The following ROBO2 variants were observed in gnomAD, a reference collection of about 807,000 sequenced individuals.
ROBO2 encodes the protein roundabout homolog 2.
ROBO2 carries 53 observed loss-of-function variants against 160.8 expected under a neutral mutation model. The observed-to-expected ratio is 0.33, with a 90% CI of 0.26 to 0.41. ROBO2 has a LOEUF of 0.41. ROBO2 is among the 10% of genes least tolerant of loss of function. ROBO2 has a pLI of 1.00. For missense variants in ROBO2, 1,577 were observed against 1,722.4 expected, an observed-to-expected ratio of 0.92 and a Z score of 1.49; for synonymous variants, 664 against 611.7, an observed-to-expected ratio of 1.09 and a Z score of -1.26.
rs1173515061 is a variant in ROBO2, at chr3:76,275,547, A to G, written c.109+337945A>G. On this transcript the variant is annotated intron_variant, in intron 2 of 26. Transcript: ENST00000487694. ...GTGACTATTTCTAATACACAGAATG[A>G]GAAATTTGGACAGGAATCTTAGCAG... 3.3e-5 allele frequency among the ~76,000 whole-genome samples: 5 copies of G among 152,286 alleles called. No homozygotes were observed. In the East Asian group the frequency reaches 7.7e-4, roughly 24 times the overall value.
chr3:76,938,352 C>T (rs561138420), intron 2 of ROBO2, among the ~76,000 whole-genome samples: 102 of 143,992 alleles, frequency 7.1e-4, no homozygotes, highest in Admixed American at 1.3e-3. Flanking sequence ...GACTCCGTCC[C>T]CCACCTACCC....
At chr3:77,237,231 T>C (rs1580265210) in intron 2 of ROBO2, among the ~76,000 whole-genome samples, 1 of 149,706 alleles carries the variant, frequency 6.7e-6, no homozygotes, top group Admixed American at 6.7e-5. Flanking sequence ...TGAGAGTGTC[T>C]TGCTCTGTCT....
chr3:75,922,062 A>G (rs557930330), intron 1 of ROBO2, among the ~76,000 whole-genome samples: 9 of 152,154 alleles, frequency 5.9e-5, no homozygotes, highest in Non-Finnish European at 1.2e-4. Flanking sequence ...TTGAATTCGC[A>G]TAATTTCATA....
chr3:77,122,075 A>G (rs1289986723), intron 2 of ROBO2, among the ~76,000 whole-genome samples: 1 of 152,148 alleles, frequency 6.6e-6, no homozygotes, highest in Non-Finnish European at 1.5e-5. Context: ...TAGAGTGTTT[A>G]ATGTAAGGAA....
At chr3:76,786,606 C>T (rs982215574) in intron 2 of ROBO2, among the ~76,000 whole-genome samples, 2 of 151,396 alleles carry the variant, frequency 1.3e-5, no homozygotes, top group Non-Finnish European at 3.0e-5. Context: ...CCTCCCACCA[C>T]GCTCCACCTC....
chr3:76,304,536 T>A (rs920538085), intron 2 of ROBO2, among the ~76,000 whole-genome samples: 1 of 152,196 alleles, frequency 6.6e-6, no homozygotes, highest in Admixed American at 6.5e-5. Context: ...AGCTAAAATT[T>A]TATTCTGATG....
intron 2 of ROBO2, among the ~76,000 whole-genome samples, chr3:75,943,589 C>T (rs79839158): frequency 2.6e-5 from 4 of 151,818 alleles, no homozygotes; most frequent in African/African-American, 9.7e-5. Context: ...TATCTCTCTG[C>T]CTATATGTAA....
In ROBO2 at chr3:76,369,402, A is replaced by G. The variant is rs554431211; in HGVS notation, c.109+431800A>G. Among the ~76,000 whole-genome samples, 7 of 151,956 alleles carry G rather than the reference A, an allele frequency of 4.6e-5. No homozygotes were observed. The South Asian group carries it at 1.5e-3, about 31-fold the overall frequency. ...CAGAGTTCTGCCACTAGGGTCTGCT[A>G]TTTTCATTCTGCAATATCTCCTTGG... On this transcript the variant is annotated intron_variant, in intron 2 of 26. Transcript: ENST00000487694.
At chr3:76,272,816 G>GTATTTGTATATAAAATATATA (rs1559705611) in intron 2 of ROBO2, among the ~76,000 whole-genome samples, 4 of 3,238 alleles carry the variant, frequency 1.2e-3, no homozygotes, top group African/African-American at 2.3e-3. Context: ...TATATAATAT[G>GTATTTGTATATAAAATATATA]TATTTATATA....
At chr3:77,530,758 A>G (rs2091652163) in intron 6 of ROBO2, among the ~76,000 whole-genome samples, 1 of 152,048 alleles carries the variant, frequency 6.6e-6, no homozygotes, top group African/African-American at 2.4e-5. Context: ...ACGTTTTACT[A>G]TTCCAAAGGC....
intron 2 of ROBO2, among the ~76,000 whole-genome samples, chr3:76,843,425 A>G (rs2148485384): frequency 6.6e-6 from 1 of 152,118 alleles, no homozygotes; most frequent in East Asian, 1.9e-4. Context: ...TTAAAGAATT[A>G]CTATCTGTTG....
chr3:76,580,131 T>C (rs918841345), intron 2 of ROBO2, among the ~76,000 whole-genome samples: 2 of 152,164 alleles, frequency 1.3e-5, no homozygotes, highest in African/African-American at 2.4e-5. Context: ...GAGACTTCCC[T>C]TGGGGGCTGT....
chr3:76,300,477 T>A (rs1709298990), intron 2 of ROBO2, among the ~76,000 whole-genome samples: 1 of 151,968 alleles, frequency 6.6e-6, no homozygotes, highest in South Asian at 2.1e-4. Flanking sequence ...AGTAAGTAGT[T>A]AGGAAGAAAG....
At chr3:76,079,633 G>A (rs2068754052) in intron 2 of ROBO2, among the ~76,000 whole-genome samples, 1 of 151,866 alleles carries the variant, frequency 6.6e-6, no homozygotes, top group South Asian at 2.1e-4. Flanking sequence ...AGAGGCGCAT[G>A]CCGCCACACC....
At chr3:76,594,385 G>A (rs1347951187) in intron 2 of ROBO2, among the ~76,000 whole-genome samples, 1 of 151,880 alleles carries the variant, frequency 6.6e-6, no homozygotes, top group Non-Finnish European at 1.5e-5. Flanking sequence ...TCATCATTTG[G>A]GTTATCAGAA....
At chr3:77,512,745 A>G in intron 5 of ROBO2, among the ~76,000 whole-genome samples, 1 of 151,976 alleles carries the variant, frequency 6.6e-6, no homozygotes, top group Middle Eastern at 3.2e-3. Flanking sequence ...TCTGAAAGGT[A>G]TAGGTTGACC....
At chr3:77,152,721 G>A (rs558376134) in intron 2 of ROBO2, among the ~76,000 whole-genome samples, 2 of 152,302 alleles carry the variant, frequency 1.3e-5, no homozygotes, top group South Asian at 4.1e-4. Context: ...TAGAACATTG[G>A]TGTTAATATT....
chr3:77,336,820 G>A (rs575152502), intron 2 of ROBO2, among the ~76,000 whole-genome samples: 30 of 152,162 alleles, frequency 2.0e-4, no homozygotes, highest in Non-Finnish European at 3.2e-4. Context: ...TGAATAATGC[G>A]TAGCTTCTAT....
At chr3:77,565,237 T>A (rs1300201455) in intron 12 of ROBO2, 117 bp downstream of exon 13, 1 of 1,151,732 alleles carries the variant, frequency 8.7e-7, no homozygotes, top group South Asian at 1.2e-5. Context: ...GATGGCTCAC[T>A]AGGCTTTATC....
Sources: allele counts gnomAD v4.1 joint callset (sites outside exome capture counted in the v4.1 genomes callset), GRCh38; gene constraint gnomAD v4.1.1; transcripts MANE v1.5; gene names NCBI Gene and HGNC (gene_info 2026-07-23, HGNC 2026-07-21).